LSM7: variants seen among roughly 807,000 people sequenced by gnomAD.
The protein encoded by LSM7 is U6 snRNA-associated Sm-like protein LSm7.
LSM7 carries 13 observed loss-of-function variants against 14.1 expected under a neutral mutation model. That is an observed-to-expected ratio of 0.92 (90% CI 0.60 to 1.47). LSM7 has a LOEUF of 1.47. Ranked by LOEUF, LSM7 falls within the 40% of genes most tolerant of loss-of-function variation. The probability of loss-of-function intolerance (pLI) is 0.00; values close to 1 mark genes in which losing one functional copy is unlikely to be tolerated. For missense variants in LSM7, 108 were observed against 140.8 expected, an observed-to-expected ratio of 0.77 and a Z score of 1.18; for synonymous variants, 70 against 57.1, an observed-to-expected ratio of 1.23 and a Z score of -1.02.
chr19:2,323,260 G>C (rs1263742956), intron 3 of LSM7, among the ~76,000 whole-genome samples: 3 of 152,142 alleles, frequency 2.0e-5, no homozygotes, highest in African/African-American at 4.8e-5. Context: ...TTCATAGCGG[G>C]AATTAACAAG....
At chr19:2,328,282 G>A (rs11666344) in intron 2 of LSM7, 105 bp downstream of exon 2, 731,652 of 983,822 alleles carry the variant, frequency 0.74, 276,490 homozygotes, top group Non-Finnish European at 0.78. Flanking sequence ...AAAAAATAAT[G>A]AAAATAAATA....
At chr19:2,325,484 A>C (rs1040559181) in intron 2 of LSM7, among the ~76,000 whole-genome samples, 1 of 151,766 alleles carries the variant, frequency 6.6e-6, no homozygotes, top group African/African-American at 2.4e-5. Flanking sequence ...TGCCCTCTGC[A>C]CGCCCACGCC....
intron 3 of LSM7, among the ~76,000 whole-genome samples, chr19:2,323,595 CAT>C (rs1453050207): frequency 2.1e-4 from 32 of 152,284 alleles, no homozygotes; most frequent in African/African-American, 4.6e-4. Context: ...GGATTACAGG[CAT>C]GCGCCACCAC....
chr19:2,325,485 C>T (rs1968000464), intron 2 of LSM7, among the ~76,000 whole-genome samples: 1 of 152,194 alleles, frequency 6.6e-6, no homozygotes, highest in Non-Finnish European at 1.5e-5. Flanking sequence ...GCCCTCTGCA[C>T]GCCCACGCCA....
chr19:2,326,213 G>A (rs1260081141), intron 2 of LSM7: 1 of 152,288 alleles, frequency 6.6e-6, no homozygotes, highest in African/African-American at 2.4e-5. Context: ...TGTAATTAGA[G>A]CCCCTGAATC....
At chr19:2,324,286 T>A (rs1261872471) in intron 2 of LSM7, 90 bp from the exon 3 acceptor site, 1 of 1,006,114 alleles carries the variant, frequency 9.9e-7, no homozygotes, top group East Asian at 2.6e-5. Context: ...GGTATGGGGC[T>A]AACTGCTCCA....
intron 2 of LSM7, among the ~76,000 whole-genome samples, chr19:2,327,783 C>CA (rs1351751535): frequency 6.6e-5 from 10 of 151,854 alleles, no homozygotes; most frequent in East Asian, 3.9e-4. Context: ...CCCCGTCTTA[C>CA]AAAAAAAAGA....
intron 3 of LSM7, among the ~76,000 whole-genome samples, chr19:2,323,779 A>C (rs1299478669): frequency 2.0e-5 from 3 of 152,184 alleles, no homozygotes; most frequent in African/African-American, 7.2e-5. Context: ...AACAAAAATT[A>C]AAATAATAAA....
intron 1 of LSM7, 29 bp from the exon 2 acceptor site, chr19:2,328,506 T>C (rs1192322385): frequency 3.1e-6 from 5 of 1,612,002 alleles, no homozygotes; most frequent in Non-Finnish European, 4.2e-6. Flanking sequence ...GCATGAGACC[T>C]GGAGCGCGGC....
intron 2 of LSM7, among the ~76,000 whole-genome samples, chr19:2,327,081 C>A (rs1968039205): frequency 6.6e-6 from 1 of 152,166 alleles, no homozygotes; most frequent in South Asian, 2.1e-4. Flanking sequence ...ACCCTGGCTC[C>A]TGACTCACAG....
intron 2 of LSM7, 25 bp downstream of exon 2, chr19:2,328,362 G>T: frequency 6.2e-7 from 1 of 1,604,572 alleles, no homozygotes; most frequent in South Asian, 1.1e-5. Context: ...TAAAGAGGGG[G>T]TACCGACAGC....
chr19:2,325,654 T>G (rs1292485580), intron 2 of LSM7, among the ~76,000 whole-genome samples: 1 of 76,522 alleles, frequency 1.3e-5, no homozygotes, highest in African/African-American at 3.3e-5. Context: ...CCCTGTGCGG[T>G]GGTGCGGGGG....
At position 2,328,492 on chromosome 19, in the gene LSM7, G is replaced by A; in HGVS notation, c.7-15C>T. The A allele has an allele frequency of 1.2e-6, 2 of 1,613,394 alleles. No individual in the cohort carries two copies. The highest frequency in any genetic ancestry group is 2.2e-5 in the East Asian group (1 of 44,848). On this transcript the variant is annotated splice_polypyrimidine_tract_variant and intron_variant, in intron 1 of 3. Coordinates refer to ENST00000252622, the MANE Select transcript of LSM7 (RefSeq NM_016199.3). ...TTCTCCTTATCCTGCGGGGAAAGCA[G>A]AGCGCATGAGACCTGGAGCGCGGCC...
intron 2 of LSM7, among the ~76,000 whole-genome samples, chr19:2,327,577 G>C (rs941845559): frequency 5.3e-5 from 8 of 151,096 alleles, no homozygotes; most frequent in Admixed American, 5.3e-4. Flanking sequence ...TTGCTCTGTG[G>C]CCCAGGCTGG....
At chr19:2,324,064 G>GC (rs1967977334) in intron 3 of LSM7, 61 bp downstream of exon 3, 1 of 936,674 alleles carries the variant, frequency 1.1e-6, no homozygotes, top group Non-Finnish European at 1.5e-6. Context: ...TCGTCCCGCT[G>GC]CCCCCCTCAC....
chr19:2,327,343 A>C (rs1968049111), intron 2 of LSM7, among the ~76,000 whole-genome samples: 1 of 150,872 alleles, frequency 6.6e-6, no homozygotes, highest in South Asian at 2.1e-4. Context: ...CTGGGGTTCA[A>C]GCAATTCTCC....
chr19:2,328,504 C>T (rs780729328), intron 1 of LSM7, 27 bp from the exon 2 acceptor site: 1 of 1,612,466 alleles, frequency 6.2e-7, no homozygotes, highest in South Asian at 1.1e-5. Context: ...GCGCATGAGA[C>T]CTGGAGCGCG....
intron 2 of LSM7, among the ~76,000 whole-genome samples, chr19:2,326,328 G>GTGTGTGTGTGTGTGTA (rs1968017243): frequency 1.0e-5 from 1 of 99,542 alleles, no homozygotes; most frequent in African/African-American, 3.9e-5. Context: ...GTGTGTGTGT[G>GTGTGTGTGTGTGTGTA]TGTGTGTGTG....
At chr19:2,323,639 A>G (rs1967969843) in intron 3 of LSM7, among the ~76,000 whole-genome samples, 1 of 152,064 alleles carries the variant, frequency 6.6e-6, no homozygotes, top group African/African-American at 2.4e-5. Context: ...TTTAGCGGAG[A>G]CGGGGTTTCA....
Sources: gnomAD v4.1 joint callset for allele counts (sites outside exome capture counted in the v4.1 genomes callset) on GRCh38, gnomAD v4.1.1 for gene constraint, MANE v1.5 for transcripts, NCBI Gene and HGNC (gene_info 2026-07-23, HGNC 2026-07-21) for gene names.